GPM6B: variants seen among roughly 807,000 people sequenced by gnomAD.
The protein encoded by GPM6B is neuronal membrane glycoprotein M6-b.
Under a neutral mutation model 27.2 loss-of-function variants are expected in GPM6B, and 4 were observed. That is an observed-to-expected ratio of 0.15 (90% CI 0.07 to 0.34). GPM6B has a LOEUF of 0.34. GPM6B is among the 10% of genes least tolerant of loss of function. The probability of loss-of-function intolerance (pLI) is 1.00; values close to 1 mark genes in which losing one functional copy is unlikely to be tolerated. For missense variants in GPM6B, 183 were observed against 261.9 expected (o/e 0.70, Z 2.08); for synonymous variants, 124 against 103.1 (o/e 1.20, Z -1.23).
intron 2 of GPM6B, among the ~76,000 whole-genome samples, chrX:13,790,195 G>A (rs774504488): frequency 4.5e-5 from 5 of 112,112 alleles, no homozygotes; most frequent in Non-Finnish European, 9.4e-5. Context: ...GATTGGGGTT[G>A]TGAAAGATCA....
At chrX:13,928,282 T>G (rs1419162928) in intron 1 of GPM6B, among the ~76,000 whole-genome samples, 1 of 112,494 alleles carries the variant, frequency 8.9e-6, no homozygotes, top group East Asian at 2.8e-4. Context: ...TTATAAAAAC[T>G]TATTAAGCTG....
intron 1 of GPM6B, among the ~76,000 whole-genome samples, chrX:13,813,342 G>A (rs1425300112): frequency 9.1e-6 from 1 of 109,626 alleles, no homozygotes; most frequent in Non-Finnish European, 1.9e-5. Flanking sequence ...ATTTTTTAAG[G>A]AAGTCAATAA....
intron 1 of GPM6B, among the ~76,000 whole-genome samples, chrX:13,847,191 A>G (rs2049659993): frequency 8.9e-6 from 1 of 111,818 alleles, no homozygotes; most frequent in South Asian, 3.7e-4. Flanking sequence ...CATCCCTTAC[A>G]CACCAACTGC....
chrX:13,839,834 G>A (rs2049551037), intron 1 of GPM6B, among the ~76,000 whole-genome samples: 1 of 112,095 alleles, frequency 8.9e-6, no homozygotes, highest in South Asian at 3.7e-4. Flanking sequence ...CTGACAAGCT[G>A]ATTCTAAAGT....
chrX:13,804,147 G>A (rs1226262670), intron 2 of GPM6B, among the ~76,000 whole-genome samples: 2 of 111,179 alleles, frequency 1.8e-5, no homozygotes, highest in African/African-American at 6.6e-5. Context: ...GGCTGGGTGG[G>A]ACCTGGGACT....
intron 1 of GPM6B, among the ~76,000 whole-genome samples, chrX:13,836,695 T>C (rs1465713874): frequency 8.9e-6 from 1 of 112,703 alleles, no homozygotes; most frequent in African/African-American, 3.2e-5. Flanking sequence ...CAATTAACAT[T>C]CCTTTTCTAG....
chrX:13,805,070 A>G (rs1184300891), intron 2 of GPM6B, among the ~76,000 whole-genome samples: 3 of 111,499 alleles, frequency 2.7e-5, no homozygotes, highest in African/African-American at 9.8e-5. Flanking sequence ...CTTTTTTCCA[A>G]TTATTTCCAT....
chrX:13,782,757 C>CA (rs36124855), intron 4 of GPM6B, among the ~76,000 whole-genome samples: 1,701 of 30,454 alleles, frequency 0.056, 32 homozygotes, highest in South Asian at 0.081. Flanking sequence ...TGCTCCGTCT[C>CA]AAAAAAAAAA....
At chrX:13,938,529 G>T (rs1921963367), upstream of GPM6B, 1 of 905,514 alleles carries the variant, frequency 1.1e-6, no homozygotes, top group Non-Finnish European at 1.4e-6. Context: ...ACTGGCGGGA[G>T]GGGTGAGGGC....
At chrX:13,883,984 T>A (rs1209803206) in intron 1 of GPM6B, among the ~76,000 whole-genome samples, 6 of 111,679 alleles carry the variant, frequency 5.4e-5, no homozygotes, top group African/African-American at 1.6e-4. Flanking sequence ...AAGACCAGCA[T>A]GGCCAACATG....
chrX:13,935,304 G>C (rs773609002), intron 1 of GPM6B, among the ~76,000 whole-genome samples: 1 of 82,082 alleles, frequency 1.2e-5, no homozygotes, highest in East Asian at 3.9e-4. Context: ...TTTGAGACCA[G>C]TTTGGGCACC....
chrX:13,813,210 TAG>T (rs1370281414), intron 1 of GPM6B, among the ~76,000 whole-genome samples: 1 of 111,086 alleles, frequency 9.0e-6, no homozygotes, highest in Non-Finnish European at 1.9e-5. Context: ...TCGTATATTC[TAG>T]AGGAGTGCTT....
rs747386210 is a variant in GPM6B, at chrX:13,903,562, T to C, written c.-198+34765A>G. 5.4e-5 allele frequency among the ~76,000 whole-genome samples: 6 copies of C among 111,910 alleles called. No homozygotes were observed. In the East Asian group the frequency reaches 1.4e-3, roughly 26 times the overall value. On this transcript the variant is annotated intron_variant, in intron 1 of 6. Coordinates refer to the GPM6B transcript ENST00000398361. ...CATTATCATTTTACCACGCAGACTC[T>C]TGGATCTTCTCCAATGCAGGGCCAG... is the stretch of plus-strand genomic sequence containing the variant.
chrX:13,859,572 T>A (rs1044527956), intron 1 of GPM6B, among the ~76,000 whole-genome samples: 1 of 110,908 alleles, frequency 9.0e-6, no homozygotes, highest in Admixed American at 9.7e-5. Context: ...TCATTTGAGT[T>A]CTTTTATATA....
chrX:13,853,569 C>T (rs775995095), intron 1 of GPM6B, among the ~76,000 whole-genome samples: 12 of 75,544 alleles, frequency 1.6e-4, no homozygotes, highest in African/African-American at 5.5e-4. Context: ...ACTCCCTGGG[C>T]GACAGGGTGA....
chrX:13,845,047 T>C (rs756122225), intron 1 of GPM6B, among the ~76,000 whole-genome samples: 17 of 106,601 alleles, frequency 1.6e-4, no homozygotes, highest in African/African-American at 5.5e-4. Flanking sequence ...TGGAGTGCAG[T>C]GGTGTGATCT....
At chrX:13,825,205 G>C (rs1353856146) in intron 1 of GPM6B, among the ~76,000 whole-genome samples, 1 of 111,714 alleles carries the variant, frequency 9.0e-6, no homozygotes, top group Non-Finnish European at 1.9e-5. Context: ...TTTTGAGGGG[G>C]GTGGGGGACA....
At chrX:13,930,260 A>C (rs1921421267) in intron 1 of GPM6B, among the ~76,000 whole-genome samples, 1 of 112,309 alleles carries the variant, frequency 8.9e-6, no homozygotes, top group South Asian at 3.7e-4. Context: ...CTATTAAAAT[A>C]AATTTTAGAA....
At chrX:13,788,490 T>C (rs893122764) in intron 2 of GPM6B, among the ~76,000 whole-genome samples, 4 of 108,812 alleles carry the variant, frequency 3.7e-5, no homozygotes, top group East Asian at 2.8e-4. Context: ...AAACAGCTGA[T>C]GTGGTGACAC....
Sources: allele counts gnomAD v4.1 joint callset (sites outside exome capture counted in the v4.1 genomes callset), GRCh38; gene constraint gnomAD v4.1.1; transcripts MANE v1.5; gene names NCBI Gene and HGNC (gene_info 2026-07-23, HGNC 2026-07-21).